NXPE2: variants seen among roughly 807,000 people sequenced by gnomAD.
NXPE2 encodes NXPE family member 2.
A neutral mutation model predicts 34.4 loss-of-function variants in NXPE2; 34 were observed. That is an observed-to-expected ratio of 0.99 (90% confidence interval 0.75 to 1.31). NXPE2 has a LOEUF of 1.31. Ranked by LOEUF, NXPE2 falls within the 40% of genes most tolerant of loss-of-function variation. NXPE2 has a pLI of 0.00. For synonymous variants in NXPE2, 235 were observed against 231.3 expected (o/e 1.02, Z -0.15); for missense variants, 649 against 672.5 (o/e 0.97, Z 0.39).
the NXPE2 span, among the ~76,000 whole-genome samples, chr11:114,588,388 G>A: frequency 2.0e-5 from 3 of 152,126 alleles, no homozygotes; most frequent in Non-Finnish European, 2.9e-5. Context: ...GTATATAAAA[G>A]CTTTCCAAAA....
chr11:114,602,324 CTATA>C, the NXPE2 span, among the ~76,000 whole-genome samples: 2 of 118,142 alleles, frequency 1.7e-5, no homozygotes, highest in Non-Finnish European at 3.2e-5. Flanking sequence ...ATATATTATA[CTATA>C]TATATGTTAT....
intron 3 of NXPE2, among the ~76,000 whole-genome samples, chr11:114,702,787 G>A (rs980588801): frequency 3.3e-5 from 5 of 152,058 alleles, no homozygotes; most frequent in African/African-American, 9.7e-5. Context: ...CAGCCATCAC[G>A]CCCAGCCACC....
the NXPE2 span, among the ~76,000 whole-genome samples, chr11:114,477,995 A>C: frequency 1.3e-5 from 2 of 152,094 alleles, no homozygotes; most frequent in Non-Finnish European, 1.5e-5. Flanking sequence ...TGTTGCATGG[A>C]AACTTTTAAC....
chr11:114,638,297 C>T, the NXPE2 span, among the ~76,000 whole-genome samples: 3 of 151,958 alleles, frequency 2.0e-5, 1 homozygote, highest in African/African-American at 4.8e-5. Context: ...GTTCTCGAGC[C>T]TTGGTTTTCA....
the NXPE2 span, among the ~76,000 whole-genome samples, chr11:114,654,496 T>C: frequency 2.0e-5 from 3 of 152,106 alleles, no homozygotes; most frequent in Non-Finnish European, 4.4e-5. Flanking sequence ...CAACAGGCTC[T>C]GGTGTGTGTT....
At chr11:114,619,239 T>G in the NXPE2 span, among the ~76,000 whole-genome samples, 1 of 151,914 alleles carries the variant, frequency 6.6e-6, no homozygotes, top group Admixed American at 6.6e-5. Flanking sequence ...CGGTAGAATA[T>G]AAGTAATGCC....
the NXPE2 span, among the ~76,000 whole-genome samples, chr11:114,805,326 G>A: frequency 6.6e-6 from 1 of 152,094 alleles, no homozygotes; most frequent in Non-Finnish European, 1.5e-5. Flanking sequence ...ACTGGGGAGT[G>A]CCAGACAGTA....
At chr11:114,756,953 T>C in the NXPE2 span, among the ~76,000 whole-genome samples, 1,112 of 152,284 alleles carry the variant, frequency 7.3e-3, 13 homozygotes, top group Non-Finnish European at 0.013. Context: ...TTAACCAATA[T>C]GTCACTGCAG....
chr11:114,556,991 C>G, the NXPE2 span, among the ~76,000 whole-genome samples: 5 of 151,500 alleles, frequency 3.3e-5, no homozygotes, highest in African/African-American at 1.2e-4. Flanking sequence ...CTCCTGGGTT[C>G]AAGCAATTAT....
chr11:114,505,866 A>G, the NXPE2 span, among the ~76,000 whole-genome samples: 3 of 152,196 alleles, frequency 2.0e-5, no homozygotes, highest in African/African-American at 7.2e-5. Flanking sequence ...ACATCCCCAT[A>G]TACCAATAAT....
the NXPE2 span, among the ~76,000 whole-genome samples, chr11:114,650,193 T>G: frequency 5.9e-5 from 9 of 152,112 alleles, no homozygotes; most frequent in South Asian, 1.0e-3. Context: ...CAGGGAGAGA[T>G]AAAATACACA....
At chr11:114,797,032 G>A in the NXPE2 span, among the ~76,000 whole-genome samples, 14 of 152,336 alleles carry the variant, frequency 9.2e-5, no homozygotes, top group East Asian at 1.2e-3. Context: ...ATAGGGATCC[G>A]TGTGCCACAA....
downstream of NXPE2, among the ~76,000 whole-genome samples, chr11:114,708,241 G>C (rs1196048470): frequency 6.6e-6 from 1 of 152,098 alleles, no homozygotes; most frequent in Non-Finnish European, 1.5e-5. Context: ...TAAGAATCAT[G>C]GATCACACTT....
chr11:114,493,331 G>A, the NXPE2 span, among the ~76,000 whole-genome samples: 1 of 152,122 alleles, frequency 6.6e-6, no homozygotes, highest in Non-Finnish European at 1.5e-5. Context: ...TTATTGATAA[G>A]CAAGGGCTTA....
the NXPE2 span, among the ~76,000 whole-genome samples, chr11:114,578,788 G>A: frequency 1.3e-5 from 2 of 152,240 alleles, no homozygotes; most frequent in East Asian, 3.9e-4. Flanking sequence ...TTACTGGTGC[G>A]CTCTTGGTTT....
At chr11:114,589,242 G>T in the NXPE2 span, among the ~76,000 whole-genome samples, 2 of 152,126 alleles carry the variant, frequency 1.3e-5, no homozygotes, top group Non-Finnish European at 2.9e-5. Context: ...CTCAAAGATG[G>T]TCCAGCAGGA....
the NXPE2 span, among the ~76,000 whole-genome samples, chr11:114,623,817 G>A: frequency 3.3e-5 from 5 of 152,246 alleles, no homozygotes; most frequent in Non-Finnish European, 7.4e-5. Flanking sequence ...ATTGCCTCGT[G>A]GGTAACCACT....
chr11:114,794,229 C>A, the NXPE2 span, among the ~76,000 whole-genome samples: 130 of 150,044 alleles, frequency 8.7e-4, no homozygotes, highest in African/African-American at 2.8e-3. Context: ...CTATGCTCAG[C>A]AGTTACCAAA....
At chr11:114,544,813 A>G in the NXPE2 span, among the ~76,000 whole-genome samples, 1 of 152,190 alleles carries the variant, frequency 6.6e-6, no homozygotes, top group Non-Finnish European at 1.5e-5. Context: ...TATATTTTAA[A>G]AACACTTATC....
Sources: gnomAD v4.1 joint callset for allele counts (sites outside exome capture counted in the v4.1 genomes callset) on GRCh38, gnomAD v4.1.1 for gene constraint, MANE v1.5 for transcripts, NCBI Gene and HGNC (gene_info 2026-07-23, HGNC 2026-07-21) for gene names.